VTI1A: variants seen among roughly 807,000 people sequenced by gnomAD.
The protein encoded by VTI1A is vesicle transport through interaction with t-SNAREs homolog 1A.
VTI1A carries 22 observed loss-of-function variants against 34.9 expected under a neutral mutation model. That is an observed-to-expected ratio of 0.63 (90% CI 0.45 to 0.90). VTI1A has a LOEUF of 0.90. Among genes scored for constraint, VTI1A ranks in the 40% least tolerant of loss-of-function variants. VTI1A has a pLI of 0.00. For missense variants in VTI1A, 268 were observed against 275.6 expected (o/e 0.97, Z 0.20); for synonymous variants, 87 against 97.3 (o/e 0.89, Z 0.62).
At position 112,816,924 on chromosome 10, in the gene VTI1A, G is replaced by T. The variant is rs548926986; in HGVS notation, c.*1541G>T. ...ACAGGCCAAGGCCTGCATGTGTTCG[G>T]ATAAATCATTTAGTATTGTGTAAAT... On this transcript the variant is annotated 3_prime_UTR_variant, in exon 8 of 8. Coordinates refer to ENST00000393077, the MANE Select transcript of VTI1A (RefSeq NM_145206.4). 8 of 230,850 alleles carry T rather than the reference G, an allele frequency of 3.5e-5. No homozygotes were observed. The highest frequency in any genetic ancestry group is 3.4e-4 in the Admixed American group (6 of 17,678). 14.3% of individuals were successfully genotyped at this position (230,850 alleles called of 1,614,324 possible).
chr10:112,702,424 C>T (rs554067982), intron 7 of VTI1A, among the ~76,000 whole-genome samples: 1 of 152,158 alleles, frequency 6.6e-6, no homozygotes, highest in East Asian at 1.9e-4. Context: ...TTTGCTTGTT[C>T]GTTTGTTTGT....
chr10:112,749,605 A>G (rs939174150), intron 7 of VTI1A, among the ~76,000 whole-genome samples: 2 of 152,202 alleles, frequency 1.3e-5, no homozygotes, highest in African/African-American at 4.8e-5. Flanking sequence ...AGGTTTTTAC[A>G]CTTCAGGCAG....
intron 7 of VTI1A, among the ~76,000 whole-genome samples, chr10:112,809,708 A>C (rs1417067385): frequency 1.3e-5 from 2 of 152,234 alleles, no homozygotes; most frequent in Admixed American, 1.3e-4. Flanking sequence ...GTGTAGGTAG[A>C]GTCTCTCATT....
At chr10:112,710,991 A>G (rs756893640) in intron 7 of VTI1A, among the ~76,000 whole-genome samples, 2 of 152,226 alleles carry the variant, frequency 1.3e-5, no homozygotes, top group Non-Finnish European at 2.9e-5. Context: ...GGCAGTTTTA[A>G]TATTCTCAGA....
chr10:112,517,978 A>G (rs1589853519), intron 3 of VTI1A, among the ~76,000 whole-genome samples: 1 of 152,190 alleles, frequency 6.6e-6, no homozygotes. Flanking sequence ...TAATTGTGAC[A>G]AACTGGGTGT....
intron 7 of VTI1A, among the ~76,000 whole-genome samples, chr10:112,779,548 C>CTT (rs1169643894): frequency 6.6e-6 from 1 of 152,106 alleles, no homozygotes; most frequent in African/African-American, 2.4e-5. Flanking sequence ...AGGCGCTGGG[C>CTT]TTATGTTCAG....
At chr10:112,485,712 T>C (rs1424335729) in intron 3 of VTI1A, among the ~76,000 whole-genome samples, 1 of 152,250 alleles carries the variant, frequency 6.6e-6, no homozygotes, top group African/African-American at 2.4e-5. Flanking sequence ...CAAATGCAAA[T>C]GTCAACCTCA....
chr10:112,723,673 C>A (rs1849898120), intron 7 of VTI1A, among the ~76,000 whole-genome samples: 1 of 152,210 alleles, frequency 6.6e-6, no homozygotes, highest in Admixed American at 6.5e-5. Flanking sequence ...CTCCAAATGC[C>A]AGTGTCCTAA....
chr10:112,508,707 A>G (rs1564805937), intron 3 of VTI1A, among the ~76,000 whole-genome samples: 1 of 152,216 alleles, frequency 6.6e-6, no homozygotes, highest in African/African-American at 2.4e-5. Context: ...TTTAATTCAT[A>G]CTACTAAATC....
intron 3 of VTI1A, among the ~76,000 whole-genome samples, chr10:112,467,923 A>T (rs1387741696): frequency 6.6e-6 from 1 of 152,254 alleles, no homozygotes; most frequent in African/African-American, 2.4e-5. Flanking sequence ...TACTTGTCAT[A>T]TAGTTTAAAT....
chr10:112,834,962 T>C, the VTI1A span, among the ~76,000 whole-genome samples: 1 of 152,192 alleles, frequency 6.6e-6, no homozygotes, highest in Non-Finnish European at 1.5e-5. Context: ...TCTATGTACA[T>C]GACTGTTCTG....
intron 5 of VTI1A, among the ~76,000 whole-genome samples, chr10:112,610,873 C>CGCGCCAGTCTAGA (rs1210453232): frequency 6.6e-6 from 1 of 151,988 alleles, no homozygotes. Context: ...GAGCTGAGAT[C>CGCGCCAGTCTAGA]GCGCCACTGC....
the VTI1A span, chr10:112,825,899 G>A: frequency 6.6e-6 from 1 of 152,104 alleles, no homozygotes; most frequent in African/African-American, 2.4e-5. Context: ...AGTTAAAACT[G>A]GCATTGCACA....
intron 2 of VTI1A, among the ~76,000 whole-genome samples, chr10:112,463,419 A>G (rs1057406194): frequency 6.6e-6 from 1 of 152,204 alleles, no homozygotes; most frequent in Non-Finnish European, 1.5e-5. Flanking sequence ...CTCTGTGAAA[A>G]AGACACTATT....
intron 3 of VTI1A, among the ~76,000 whole-genome samples, chr10:112,476,319 A>C (rs975504273): frequency 2.0e-5 from 3 of 152,154 alleles, no homozygotes; most frequent in African/African-American, 7.2e-5. Flanking sequence ...ATCTCCGTTT[A>C]ATTTCCCTGG....
At chr10:112,472,468 C>T (rs1848124379) in intron 3 of VTI1A, among the ~76,000 whole-genome samples, 1 of 151,530 alleles carries the variant, frequency 6.6e-6, no homozygotes, top group Admixed American at 6.6e-5. Context: ...CCTGTACTCT[C>T]TCTTTTCATA....
At chr10:112,690,230 A>G (rs1244600846) in intron 7 of VTI1A, among the ~76,000 whole-genome samples, 1 of 152,166 alleles carries the variant, frequency 6.6e-6, no homozygotes, top group Non-Finnish European at 1.5e-5. Context: ...ATATTTGTGT[A>G]TATATCTTTT....
At chr10:112,734,080 C>T (rs1317519237) in intron 7 of VTI1A, among the ~76,000 whole-genome samples, 3 of 152,094 alleles carry the variant, frequency 2.0e-5, no homozygotes, top group Admixed American at 6.5e-5. Context: ...GCTCCTGCCC[C>T]TTTCAAATGC....
intron 7 of VTI1A, chr10:112,736,838 C>A: frequency 9.6e-7 from 1 of 1,040,518 alleles, no homozygotes; most frequent in Non-Finnish European, 1.5e-6. Flanking sequence ...AGCCTTCTCA[C>A]TGAAAGAGCT....
Sources: gnomAD v4.1 joint callset for allele counts (sites outside exome capture counted in the v4.1 genomes callset) on GRCh38, gnomAD v4.1.1 for gene constraint, MANE v1.5 for transcripts, NCBI Gene and HGNC (gene_info 2026-07-23, HGNC 2026-07-21) for gene names.